Variants in NIBAN1 observed in about 807,000 individuals in gnomAD.
NIBAN1 encodes the protein niban apoptosis regulator 1, also known as protein Niban 1.
NIBAN1 carries 81 observed loss-of-function variants against 75.1 expected under a neutral mutation model. The observed-to-expected ratio is 1.08, with a 90% CI of 0.90 to 1.30. NIBAN1 has a LOEUF of 1.30. Among genes scored for constraint, NIBAN1 ranks in the 50% most tolerant of loss-of-function variants. The pLI, the probability that NIBAN1 is intolerant of heterozygous loss-of-function variation, is 0.00. For synonymous variants in NIBAN1, 436 were observed against 424.8 expected (o/e 1.03, Z -0.32); for missense variants, 1,133 against 1,128.1 (o/e 1.00, Z -0.06).
Position 184,794,937 on chromosome 1 carries a change from T to A in NIBAN1, c.*40A>T. On this transcript the variant is annotated 3_prime_UTR_variant, in exon 14 of 14. Transcript: ENST00000367511. ...CCCTAAGTGTACCCCTATAACCCTT[T>A]GGCTTTTTTCAGAGAAAGACTTCAG... is the stretch of plus-strand genomic sequence containing the variant. 1 of 1,602,448 alleles carries A rather than the reference T, an allele frequency of 6.2e-7. No individual in the cohort carries two copies. Among genetic ancestry groups the A allele is most frequent in the Non-Finnish European group, 8.5e-7 (1 of 1,179,956 alleles).
intron 9 of NIBAN1, among the ~76,000 whole-genome samples, chr1:184,817,529 C>T (rs1215624592): frequency 6.6e-6 from 1 of 152,218 alleles, no homozygotes; most frequent in Non-Finnish European, 1.5e-5. Context: ...TCCTCTCCAG[C>T]ATCTGTTGTT....
At chr1:184,796,903 C>T (rs1487396031) in intron 13 of NIBAN1, among the ~76,000 whole-genome samples, 1 of 152,168 alleles carries the variant, frequency 6.6e-6, no homozygotes, top group Non-Finnish European at 1.5e-5. Flanking sequence ...CTAAATCACC[C>T]AAAAGTGCCC....
chr1:184,963,169 A>C (rs1021858251), intron 1 of NIBAN1, among the ~76,000 whole-genome samples: 2 of 152,162 alleles, frequency 1.3e-5, no homozygotes, highest in Admixed American at 1.3e-4. Context: ...CAATGGAACA[A>C]TATTTTAAAT....
At chr1:184,843,799 C>T (rs1655361584) in intron 5 of NIBAN1, among the ~76,000 whole-genome samples, 1 of 152,138 alleles carries the variant, frequency 6.6e-6, no homozygotes, top group African/African-American at 2.4e-5. Flanking sequence ...CAAATGAAAA[C>T]CATCTAATTC....
At chr1:184,796,940 G>A (rs980913002) in intron 13 of NIBAN1, among the ~76,000 whole-genome samples, 3 of 152,140 alleles carry the variant, frequency 2.0e-5, no homozygotes, top group African/African-American at 2.4e-5. Context: ...GGCCTTGACC[G>A]AGCCCTTCCT....
At chr1:184,972,653 C>T (rs1338911905) in intron 1 of NIBAN1, among the ~76,000 whole-genome samples, 1 of 152,218 alleles carries the variant, frequency 6.6e-6, no homozygotes, top group Non-Finnish European at 1.5e-5. Flanking sequence ...TATAGGTTTA[C>T]TCATTCAAAC....
intron 1 of NIBAN1, among the ~76,000 whole-genome samples, chr1:184,951,494 T>C (rs1469379387): frequency 1.3e-5 from 2 of 152,326 alleles, no homozygotes; most frequent in African/African-American, 4.8e-5. Flanking sequence ...AGGTCAGAAA[T>C]TGTGGAGTCA....
chr1:184,818,218 G>A (rs1438820223), intron 9 of NIBAN1, among the ~76,000 whole-genome samples: 2 of 151,954 alleles, frequency 1.3e-5, no homozygotes, highest in Non-Finnish European at 2.9e-5. Context: ...ATATATACTT[G>A]TATGAATAAA....
intron 1 of NIBAN1, among the ~76,000 whole-genome samples, chr1:184,948,497 T>C (rs1658283641): frequency 6.6e-6 from 1 of 152,210 alleles, no homozygotes; most frequent in Non-Finnish European, 1.5e-5. Context: ...TTTTAAAAAA[T>C]TATTCACATT....
chr1:184,934,308 G>A (rs1291728553), intron 1 of NIBAN1, among the ~76,000 whole-genome samples: 3 of 152,148 alleles, frequency 2.0e-5, no homozygotes, highest in Non-Finnish European at 4.4e-5. Flanking sequence ...ATAGACATTG[G>A]AAACTACTAG....
At chr1:184,797,950 GTC>G (rs1401281343) in intron 13 of NIBAN1, 127 bp downstream of exon 13, 7 of 494,846 alleles carry the variant, frequency 1.4e-5, no homozygotes, top group Non-Finnish European at 2.5e-5. Flanking sequence ...TCTCCTCACT[GTC>G]TGTCTCCCTC....
intron 1 of NIBAN1, among the ~76,000 whole-genome samples, chr1:184,957,821 C>G (rs1036986227): frequency 1.3e-5 from 2 of 152,136 alleles, no homozygotes; most frequent in Non-Finnish European, 2.9e-5. Context: ...TGCCTGTTTT[C>G]CAAAGGTGAA....
Position 184,831,482 on chromosome 1 carries a change from G to A in NIBAN1, c.717+365C>T, listed in dbSNP as rs563691175. Among the ~76,000 whole-genome samples, 17 of 152,222 alleles carry A rather than the reference G, an allele frequency of 1.1e-4. No homozygotes were observed. In the South Asian group the frequency reaches 1.7e-3, roughly 15 times the overall value. Reference sequence around the variant, plus strand: ...TGGCATGACTGAAGTCCAAGTTTGCGGACCCTAGCTAAAGCCCTGTCATGC... The same window carrying A: ...TGGCATGACTGAAGTCCAAGTTTGCAGACCCTAGCTAAAGCCCTGTCATGC... On this transcript the variant is annotated intron_variant, in intron 6 of 13. Transcript: ENST00000367511.
intron 1 of NIBAN1, among the ~76,000 whole-genome samples, chr1:184,930,421 T>G (rs1657789351): frequency 6.6e-6 from 1 of 152,174 alleles, no homozygotes; most frequent in Non-Finnish European, 1.5e-5. Flanking sequence ...TCCTGGCAGG[T>G]TTCCCACATT....
At chr1:184,889,852 A>G (rs543845814) in intron 4 of NIBAN1, among the ~76,000 whole-genome samples, 1 of 152,334 alleles carries the variant, frequency 6.6e-6, no homozygotes, top group East Asian at 1.9e-4. Flanking sequence ...CAACCTTGGC[A>G]CTACTGATAC....
chr1:184,836,256 A>T (rs1474009728), intron 5 of NIBAN1, among the ~76,000 whole-genome samples: 1 of 152,190 alleles, frequency 6.6e-6, no homozygotes, highest in Non-Finnish European at 1.5e-5. Context: ...AGATTGACTC[A>T]TGTGCTCTTA....
At chr1:184,969,056 A>G (rs1426133100) in intron 1 of NIBAN1, among the ~76,000 whole-genome samples, 1 of 152,210 alleles carries the variant, frequency 6.6e-6, no homozygotes, top group Non-Finnish European at 1.5e-5. Flanking sequence ...CAGCACTTCT[A>G]TCTACATCCC....
chr1:184,909,372 T>C (rs971705344), intron 1 of NIBAN1, among the ~76,000 whole-genome samples: 1 of 152,200 alleles, frequency 6.6e-6, no homozygotes, highest in Non-Finnish European at 1.5e-5. Context: ...AATGCTTGCT[T>C]TATATTTTAC....
At chr1:184,875,452 C>T (rs910966172) in intron 5 of NIBAN1, among the ~76,000 whole-genome samples, 1 of 152,208 alleles carries the variant, frequency 6.6e-6, no homozygotes, top group Non-Finnish European at 1.5e-5. Context: ...AGTTTACTCA[C>T]ATGGTTGTCT....
Sources: allele counts gnomAD v4.1 joint callset (sites outside exome capture counted in the v4.1 genomes callset), GRCh38; gene constraint gnomAD v4.1.1; transcripts MANE v1.5; gene names NCBI Gene and HGNC (gene_info 2026-07-23, HGNC 2026-07-21).